The following KIF16B variants were observed in gnomAD, a reference collection of about 807,000 sequenced individuals.
The protein encoded by KIF16B is kinesin-like protein KIF16B.
A neutral mutation model predicts 156.3 loss-of-function variants in KIF16B; 98 were observed. The ratio of observed to expected loss-of-function variants is 0.63; its 90% CI spans 0.53 to 0.74. KIF16B has a LOEUF of 0.74. Ranked by LOEUF, KIF16B falls within the 30% of genes least tolerant of loss-of-function variation. KIF16B has a pLI of 0.00. For synonymous variants in KIF16B, 564 were observed against 583.7 expected, an observed-to-expected ratio of 0.97 and a Z score of 0.49; for missense variants, 1,421 against 1,606.5, an observed-to-expected ratio of 0.88 and a Z score of 1.97.
rs374058578 is a variant in KIF16B at position 16,501,897 on chromosome 20, A to G, written c.1176+2475T>C. ...AGAAGGATTAAGGGGGGCTTCAAGG[A>G]TACTGGTACTGTACTGTCTCTTAAG... is the stretch of plus-strand genomic sequence containing the variant. On this transcript the variant is annotated intron_variant, in intron 10 of 25. Coordinates refer to ENST00000354981, the MANE Select transcript of KIF16B (RefSeq NM_024704.5). 5.4e-4 allele frequency among the ~76,000 whole-genome samples: 83 copies of G among 152,316 alleles called. 2 individuals are homozygous for G. In the South Asian group the frequency reaches 0.016, roughly 30 times the overall value.
chr20:16,353,260 T>G (rs1170881165), intron 23 of KIF16B, among the ~76,000 whole-genome samples: 1 of 152,182 alleles, frequency 6.6e-6, no homozygotes, highest in Admixed American at 6.5e-5. Flanking sequence ...TGACTATTTG[T>G]TCTAGAAAAC....
intron 25 of KIF16B, among the ~76,000 whole-genome samples, chr20:16,277,158 C>T (rs1488049118): frequency 2.0e-5 from 3 of 152,132 alleles, no homozygotes; most frequent in Middle Eastern, 3.2e-3. Flanking sequence ...GGCTTAATGC[C>T]GTGTCTGTGA....
chr20:16,368,297 C>A, intron 22 of KIF16B: 13 of 998,746 alleles, frequency 1.3e-5, no homozygotes, highest in Non-Finnish European at 1.1e-5. Flanking sequence ...AAGACAGAGG[C>A]CCGGTAAGGC....
At chr20:16,290,873 C>G (rs1194655498) in intron 25 of KIF16B, among the ~76,000 whole-genome samples, 4 of 152,158 alleles carry the variant, frequency 2.6e-5, no homozygotes, top group Non-Finnish European at 5.9e-5. Flanking sequence ...GCCAACATCT[C>G]TAACTCCAAA....
rs1400858091 is a variant in KIF16B at position 16,379,645 on chromosome 20, C to T, written c.2357G>A (p.Trp786Ter). The part of the protein sequence containing the change: ...IQLLRRGEVQ[W>*]VEEEKRDLEG... ...CAGGTCCCTCTTCTCCTCTTCCACC[C>T]ACTGTACCTCCCCACGCCGCAGGAG... The change falls in exon 19 of 26, where the codon TGG becomes TAG. Residue 786 changes from tryptophan to a stop codon, truncating the protein, a stop_gained. Transcript: ENST00000354981. LOFTEE classifies it high-confidence loss of function. 1 of 1,614,112 alleles carries T rather than the reference C, an allele frequency of 6.2e-7. No homozygotes were observed.
At chr20:16,428,106 C>A (rs76928835) in intron 14 of KIF16B, among the ~76,000 whole-genome samples, 3,159 of 152,242 alleles carry the variant, frequency 0.021, 123 homozygotes, top group African/African-American at 0.071. Context: ...TCTACCCAAA[C>A]ATAGGTGAAT....
In KIF16B at chr20:16,505,459, CTTTAAGCAAAGAAA is replaced by C. The variant is rs1213417913; in HGVS notation, c.1000+249_1000+262del. Among the ~76,000 whole-genome samples, 11 of 152,152 alleles carry C rather than the reference CTTTAAGCAAAGAAA, an allele frequency of 7.2e-5. 1 individual carries two copies. Among genetic ancestry groups the C allele is most frequent in the Non-Finnish European group, 1.6e-4 (11 of 68,036 alleles). ...CTATGAGGTAAATTTCTACCTTGCACTTTAAGCAAAGAAAAGCTGAAAAGTCTTCGTGCATGTTA... is the reference window on the plus strand; with the variant it reads ...CTATGAGGTAAATTTCTACCTTGCACAGCTGAAAAGTCTTCGTGCATGTTA... On this transcript the variant is annotated intron_variant, in intron 9 of 25. Transcript: ENST00000354981.
chr20:16,542,659 T>G (rs1173538040), intron 1 of KIF16B, among the ~76,000 whole-genome samples: 2 of 151,748 alleles, frequency 1.3e-5, no homozygotes, highest in South Asian at 2.1e-4. Flanking sequence ...GCCAGAGACT[T>G]TGGGGGAAGG....
intron 24 of KIF16B, among the ~76,000 whole-genome samples, chr20:16,326,260 AC>A (rs751699431): frequency 2.0e-5 from 3 of 151,498 alleles, no homozygotes; most frequent in Non-Finnish European, 3.0e-5. Context: ...ATGACCAAGA[AC>A]CCAAAAGCAA....
At chr20:16,274,094 A>C (rs1047638226) in intron 25 of KIF16B, among the ~76,000 whole-genome samples, 2 of 152,080 alleles carry the variant, frequency 1.3e-5, no homozygotes, top group Admixed American at 1.3e-4. Flanking sequence ...AAAACAAAAA[A>C]AAAAGGCCGG....
At position 16,273,406 on chromosome 20, in the gene KIF16B, G is replaced by A; in HGVS notation, c.3801C>T (p.Tyr1267=). The A allele has an allele frequency of 1.9e-6, 3 of 1,614,010 alleles. No homozygotes were observed. The highest frequency in any genetic ancestry group is 2.5e-6 in the Non-Finnish European group (3 of 1,179,902). ...IAERRSHLEK[Y]LRDFFSVMLQ... ...GCATCACGCTGAAAAAGTCCCTGAG[G>A]TATTTCTGTGGAAGAGACAAGAGTT... The change falls in exon 26 of 26, where the codon TAC becomes TAT. Residue 1267 remains tyrosine, a synonymous_variant. Transcript: ENST00000354981.
chr20:16,549,023 T>A (rs1356747648), intron 1 of KIF16B, among the ~76,000 whole-genome samples: 3 of 130,606 alleles, frequency 2.3e-5, no homozygotes, highest in East Asian at 4.3e-4. Context: ...TTTTTTTTTT[T>A]ATGTTTTTTT....
At chr20:16,288,928 G>T (rs113084802) in intron 25 of KIF16B, among the ~76,000 whole-genome samples, 2,204 of 113,552 alleles carry the variant, frequency 0.019, 45 homozygotes, top group African/African-American at 0.069. Flanking sequence ...ATAAGTGGAG[G>T]AGTATCTGTT....
At chr20:16,451,730 C>T (rs998409770) in intron 12 of KIF16B, among the ~76,000 whole-genome samples, 8 of 152,160 alleles carry the variant, frequency 5.3e-5, no homozygotes, top group African/African-American at 1.9e-4. Context: ...ATATCCAATA[C>T]ACGCTAAAGA....
At chr20:16,553,426 G>T (rs1210686935) in intron 1 of KIF16B, among the ~76,000 whole-genome samples, 1 of 152,324 alleles carries the variant, frequency 6.6e-6, no homozygotes, top group East Asian at 1.9e-4. Context: ...AGCTACTTGA[G>T]GGTGGGGATC....
chr20:16,319,500 TGGA>T (rs2063744179), intron 24 of KIF16B, among the ~76,000 whole-genome samples: 1 of 152,136 alleles, frequency 6.6e-6, no homozygotes, highest in African/African-American at 2.4e-5. Context: ...TTAGATCCAG[TGGA>T]GAAGTGAGAT....
intron 24 of KIF16B, among the ~76,000 whole-genome samples, chr20:16,325,901 C>T (rs910245590): frequency 1.3e-5 from 2 of 152,096 alleles, no homozygotes; most frequent in Non-Finnish European, 2.9e-5. Context: ...TCAAACTATA[C>T]TATAAGGCTA....
chr20:16,435,205 C>A (rs535975672), intron 12 of KIF16B, among the ~76,000 whole-genome samples: 1 of 152,210 alleles, frequency 6.6e-6, no homozygotes, highest in South Asian at 2.1e-4. Flanking sequence ...TTTTAAGCAC[C>A]ATTACCTGAA....
intron 25 of KIF16B, among the ~76,000 whole-genome samples, chr20:16,289,581 C>T (rs760443703): frequency 3.3e-5 from 5 of 152,136 alleles, no homozygotes; most frequent in East Asian, 1.9e-4. Context: ...AGGCCGGGCG[C>T]GGTGGCTCAC....
Sources: allele counts gnomAD v4.1 joint callset (sites outside exome capture counted in the v4.1 genomes callset), GRCh38; gene constraint gnomAD v4.1.1; transcripts MANE v1.5; gene names NCBI Gene and HGNC (gene_info 2026-07-23, HGNC 2026-07-21).